Variants in GSE1 observed in about 807,000 individuals in gnomAD.
GSE1 encodes Gse1 coiled-coil protein, also known as genetic suppressor element 1.
GSE1 carries 32 observed loss-of-function variants against 112.6 expected under a neutral mutation model. The observed-to-expected ratio is 0.28, with a 90% CI of 0.21 to 0.38. The LOEUF is 0.38. Ranked by LOEUF, GSE1 falls within the 10% of genes least tolerant of loss-of-function variation. The probability of loss-of-function intolerance (pLI) is 1.00; values close to 1 mark genes in which losing one functional copy is unlikely to be tolerated. For missense variants in GSE1, 2,348 were observed against 1,699.2 expected (o/e 1.38, Z -6.71); for synonymous variants, 1,115 against 735.6 (o/e 1.52, Z -8.35).
exon 1 of GSE1, chr16:85,171,577 T>C (rs776877674): frequency 1.0e-5 from 10 of 985,460 alleles, no homozygotes; most frequent in Non-Finnish European, 1.2e-5. Flanking sequence ...GTTCGTGTGC[T>C]TCTTTTGTCA....
chr16:85,535,353 C>T (rs767277060), intron 2 of GSE1, among the ~76,000 whole-genome samples: 4 of 152,230 alleles, frequency 2.6e-5, no homozygotes, highest in Non-Finnish European at 4.4e-5. Flanking sequence ...ACAGCCAGGT[C>T]TCCGGGGGGT....
intron 1 of GSE1, among the ~76,000 whole-genome samples, chr16:85,179,412 A>G (rs986082482): frequency 1.3e-5 from 2 of 152,216 alleles, no homozygotes; most frequent in African/African-American, 4.8e-5. Flanking sequence ...GACCGTGGAC[A>G]TCGGCTTGTT....
At chr16:85,592,540 G>C (rs1271645575) in intron 1 of GSE1, 1 of 152,248 alleles carries the variant, frequency 6.6e-6, no homozygotes, top group Non-Finnish European at 1.5e-5. Context: ...TGCAGGGGTG[G>C]GGTGGGAGGA....
chr16:85,600,613 C>A (rs1173210501), intron 1 of GSE1, among the ~76,000 whole-genome samples: 1 of 151,674 alleles, frequency 6.6e-6, no homozygotes, highest in African/African-American at 2.4e-5. Context: ...CACACACACC[C>A]CAAAAACCCA....
At chr16:85,202,375 A>G (rs986636166) in intron 1 of GSE1, among the ~76,000 whole-genome samples, 12 of 152,216 alleles carry the variant, frequency 7.9e-5, no homozygotes, top group Admixed American at 3.3e-4. Flanking sequence ...AGCTCTTCCC[A>G]TTGCTGGGAG....
At chr16:85,441,516 G>C (rs185569634) in intron 2 of GSE1, among the ~76,000 whole-genome samples, 1 of 152,186 alleles carries the variant, frequency 6.6e-6, no homozygotes, top group Non-Finnish European at 1.5e-5. Context: ...TTAGCTGGGC[G>C]TAGTGGTGTG....
At chr16:85,205,273 A>C (rs1264887848) in intron 1 of GSE1, among the ~76,000 whole-genome samples, 1 of 152,072 alleles carries the variant, frequency 6.6e-6, no homozygotes, top group Non-Finnish European at 1.5e-5. Context: ...CTGGAATTAC[A>C]GGTGCCCACC....
intron 1 of GSE1, among the ~76,000 whole-genome samples, chr16:85,286,622 C>T (rs182684748): frequency 6.6e-6 from 1 of 152,054 alleles, no homozygotes; most frequent in Non-Finnish European, 1.5e-5. Context: ...GTGGGCAGCT[C>T]TTGGGCTTGC....
At chr16:85,551,388 T>C (rs760833593), upstream of GSE1, among the ~76,000 whole-genome samples, 3 of 152,126 alleles carry the variant, frequency 2.0e-5, no homozygotes, top group Non-Finnish European at 4.4e-5. Flanking sequence ...ATAGGCACCC[T>C]CAGAGGCAGG....
chr16:85,296,754 TTCATG>T (rs2045378105), intron 1 of GSE1, among the ~76,000 whole-genome samples: 1 of 152,188 alleles, frequency 6.6e-6, no homozygotes, highest in Non-Finnish European at 1.5e-5. Flanking sequence ...TTCCCTCCCT[TTCATG>T]TCCTAACTCC....
At chr16:85,475,861 T>TG (rs1437669358) in intron 2 of GSE1, among the ~76,000 whole-genome samples, 18 of 151,682 alleles carry the variant, frequency 1.2e-4, no homozygotes, top group African/African-American at 4.1e-4. Context: ...TGGGCTCAAG[T>TG]GATCGTTCCA....
At chr16:85,400,616 C>T (rs12934192) in intron 2 of GSE1, among the ~76,000 whole-genome samples, 137,637 of 150,320 alleles carry the variant, frequency 0.92, 63,800 homozygotes, top group Non-Finnish European at 1. Flanking sequence ...CTATGTGTTG[C>T]ATGTCTCTGT....
intron 2 of GSE1, among the ~76,000 whole-genome samples, chr16:85,643,984 G>C (rs923617846): frequency 1.3e-5 from 2 of 152,102 alleles, no homozygotes; most frequent in Non-Finnish European, 1.5e-5. Flanking sequence ...CTGGAATCTA[G>C]ATGGGAACAC....
intron 1 of GSE1, among the ~76,000 whole-genome samples, chr16:85,202,983 C>T: frequency 6.7e-6 from 1 of 149,386 alleles, no homozygotes; most frequent in South Asian, 2.1e-4. Flanking sequence ...CTCCCCACCT[C>T]TACCCCCCTT....
At chr16:85,275,357 G>A (rs1254345142) in intron 1 of GSE1, among the ~76,000 whole-genome samples, 1 of 152,210 alleles carries the variant, frequency 6.6e-6, no homozygotes, top group Non-Finnish European at 1.5e-5. Context: ...CCGGGCAGAG[G>A]GCACCGAGGG....
chr16:85,467,987 G>T (rs768243114), intron 2 of GSE1, among the ~76,000 whole-genome samples: 3 of 152,186 alleles, frequency 2.0e-5, no homozygotes, highest in African/African-American at 7.2e-5. Flanking sequence ...GGGGTCAGGG[G>T]TTGCAGACTT....
chr16:85,204,391 T>G (rs1207758474), intron 1 of GSE1, among the ~76,000 whole-genome samples: 1 of 152,192 alleles, frequency 6.6e-6, no homozygotes, highest in Admixed American at 6.5e-5. Flanking sequence ...TTTTGGCTAG[T>G]GTGAGTAATG....
intron 8 of GSE1, 59 bp from the exon 9 acceptor site, chr16:85,661,087 G>C: frequency 6.7e-7 from 1 of 1,484,882 alleles, no homozygotes; most frequent in Middle Eastern, 1.8e-4. Context: ...AGCCAGGGAA[G>C]CCTGTGGATG....
intron 1 of GSE1, among the ~76,000 whole-genome samples, chr16:85,308,985 G>A (rs1048909034): frequency 6.6e-6 from 1 of 150,812 alleles, no homozygotes; most frequent in African/African-American, 2.4e-5. Flanking sequence ...CAGGTCACAA[G>A]GACAGCCGTG....
Sources: gnomAD v4.1 joint callset for allele counts (sites outside exome capture counted in the v4.1 genomes callset) on GRCh38, gnomAD v4.1.1 for gene constraint, MANE v1.5 for transcripts, NCBI Gene and HGNC (gene_info 2026-07-23, HGNC 2026-07-21) for gene names.